Variants in CFAP36 observed in about 807,000 individuals in gnomAD.
The protein encoded by CFAP36 is cilia- and flagella-associated protein 36.
A neutral mutation model predicts 50.5 loss-of-function variants in CFAP36; 37 were observed. That is an observed-to-expected ratio of 0.73 (90% CI 0.56 to 0.96). The LOEUF (loss-of-function observed/expected upper bound fraction) is 0.96, where lower values mean the gene tolerates loss of function less well. Among genes scored for constraint, CFAP36 ranks in the 50% least tolerant of loss-of-function variants. The probability of loss-of-function intolerance (pLI) is 0.00; values close to 1 mark genes in which losing one functional copy is unlikely to be tolerated. For missense variants in CFAP36, 407 were observed against 396.2 expected, an observed-to-expected ratio of 1.03 and a Z score of -0.23; for synonymous variants, 138 against 128.2, an observed-to-expected ratio of 1.08 and a Z score of -0.52.
At position 55,537,512 on chromosome 2, in the gene CFAP36, A is replaced by G. The variant is rs751197849; in HGVS notation, c.567A>G (p.Thr189=). Residue 189 remains threonine (T), a synonymous_variant, in exon 7 of 10, where the codon ACA becomes ACG. Transcript: ENST00000349456. ...CAGAGGCTAAAACAGAAGAGCCCAC[A>G]GTGCATTCCAGTGAAGCTGCAATAA... The part of the protein sequence containing the change: ...QLSEAKTEEP[T]VHSSEAAIMN... The G allele has an allele frequency of 1.1e-5, 17 of 1,612,946 alleles. No homozygotes were observed. The highest frequency in any genetic ancestry group is 6.6e-5 in the South Asian group (6 of 90,742).
Position 55,528,655 on chromosome 2 carries a change from C to T in CFAP36, c.283-223C>T, listed in dbSNP as rs541723796. The stretch of plus-strand genomic sequence containing the variant: ...AAGTGTTCTGCCTGCCTCAGCCGCC[C>T]AAAGTATTGGGTTTACAGGTGTGAG... On this transcript the variant is annotated intron_variant, in intron 3 of 9. Transcript: ENST00000349456. Among the ~76,000 whole-genome samples, 13 of 152,238 alleles carry T rather than the reference C, an allele frequency of 8.5e-5. No homozygotes were observed. In the South Asian group the frequency reaches 2.7e-3, roughly 32 times the overall value.
chr2:55,534,239 A>AC (rs2103654386), intron 5 of CFAP36, among the ~76,000 whole-genome samples: 1 of 152,304 alleles, frequency 6.6e-6, no homozygotes, highest in African/African-American at 2.4e-5. Context: ...GTTGCAGTAG[A>AC]CCTAGCCTGA....
chr2:55,528,376 C>T (rs532529339), intron 3 of CFAP36, among the ~76,000 whole-genome samples: 1 of 151,580 alleles, frequency 6.6e-6, no homozygotes, highest in South Asian at 2.1e-4. Context: ...ATTTGCATAT[C>T]ACAATACTGA....
chr2:55,544,096 A>AGT (rs1558916662), intron 8 of CFAP36, 22 bp downstream of exon 8: 1 of 1,612,884 alleles, frequency 6.2e-7, no homozygotes, highest in Admixed American at 1.7e-5. Context: ...ACATCACTTA[A>AGT]GAACTATAAG....
chr2:55,544,285 T>G lies in CFAP36; in HGVS notation c.843T>G (p.Asp281Glu), dbSNP rs762497638. The G allele has an allele frequency of 3.1e-6, 5 of 1,613,872 alleles. No individual in the cohort carries two copies. Among genetic ancestry groups the G allele is most frequent in the Non-Finnish European group, 4.2e-6 (5 of 1,179,912 alleles). ...QREHYLKQKR[D>E]KLMSMRKDMR... ...AACACTATCTCAAGCAGAAGAGAGATAAGTTGATGTCCATGAGAAAGGATA... is the reference window on the plus strand; with the variant it reads ...AACACTATCTCAAGCAGAAGAGAGAGAAGTTGATGTCCATGAGAAAGGATA... Residue 281 changes from aspartate (D) to glutamate (E), a missense_variant, in exon 9 of 10, where the codon GAT (aspartate) becomes GAG (glutamate). Physicochemically the swap from Asp to Glu is conservative, Grantham distance 45. Coordinates refer to ENST00000349456, the MANE Select transcript of CFAP36 (RefSeq NM_080667.7).
At chr2:55,541,278 C>T (rs1279082335) in intron 7 of CFAP36, among the ~76,000 whole-genome samples, 1 of 151,970 alleles carries the variant, frequency 6.6e-6, no homozygotes, top group Non-Finnish European at 1.5e-5. Flanking sequence ...GAGCCAAGAT[C>T]GTGCCATTGC....
intron 7 of CFAP36, among the ~76,000 whole-genome samples, chr2:55,540,389 T>C (rs779009045): frequency 6.6e-6 from 1 of 152,226 alleles, no homozygotes; most frequent in Non-Finnish European, 1.5e-5. Flanking sequence ...CTTTGCTCCT[T>C]TGTCAAAGAT....
chr2:55,521,953 T>G, intron 1 of CFAP36, 149 bp from the exon 2 acceptor site: 1 of 493,224 alleles, frequency 2.0e-6, no homozygotes. Context: ...TTTAGATATA[T>G]TCATTTATAT....
intron 7 of CFAP36, among the ~76,000 whole-genome samples, chr2:55,540,825 A>G (rs981909169): frequency 2.6e-5 from 4 of 152,010 alleles, no homozygotes; most frequent in Non-Finnish European, 4.4e-5. Context: ...AGCCTGGGCA[A>G]TTTGGCGAAA....
chr2:55,544,783 T>C (rs1684728224), intron 9 of CFAP36, 124 bp from the exon 10 acceptor site: 2 of 637,622 alleles, frequency 3.1e-6, no homozygotes, highest in Admixed American at 3.1e-5. Context: ...CTAGTCTATG[T>C]CTGTCTCTCC....
chr2:55,536,064 AG>A (rs772345511), intron 6 of CFAP36: 126 of 391,242 alleles, frequency 3.2e-4, no homozygotes, highest in Non-Finnish European at 5.0e-4. Flanking sequence ...GGCAAGTTTA[AG>A]CATTTGTTTT....
intron 7 of CFAP36, chr2:55,538,795 G>T (rs1224991734): frequency 2.6e-6 from 4 of 1,544,728 alleles, no homozygotes; most frequent in Non-Finnish European, 3.5e-6. Flanking sequence ...ACTTGTCCAA[G>T]ATCACCGAAC....
chr2:55,542,508 G>C (rs768515013), intron 7 of CFAP36, among the ~76,000 whole-genome samples: 1 of 152,150 alleles, frequency 6.6e-6, no homozygotes, highest in Non-Finnish European at 1.5e-5. Flanking sequence ...GATTGATGCA[G>C]ATTTGCCAGA....
chr2:55,520,382 A>G (rs1289381527), intron 1 of CFAP36: 1 of 1,526,834 alleles, frequency 6.5e-7, no homozygotes, highest in Non-Finnish European at 8.8e-7. Flanking sequence ...GAAATGAGAA[A>G]TGATTTCACT....
chr2:55,530,880 A>T (rs1684335389), intron 4 of CFAP36: 1 of 152,184 alleles, frequency 6.6e-6, no homozygotes, highest in African/African-American at 2.4e-5. Flanking sequence ...TCTATAGTTC[A>T]GTTGTATCGT....
intron 4 of CFAP36, among the ~76,000 whole-genome samples, chr2:55,532,961 C>G (rs1436544560): frequency 6.6e-6 from 1 of 152,170 alleles, no homozygotes; most frequent in African/African-American, 2.4e-5. Flanking sequence ...GTTGCTACTT[C>G]CCTGGTTTAT....
At chr2:55,528,640 C>G (rs573158986) in intron 3 of CFAP36, among the ~76,000 whole-genome samples, 1 of 152,242 alleles carries the variant, frequency 6.6e-6, no homozygotes, top group East Asian at 1.9e-4. Context: ...AAGTGTTCTG[C>G]CTGCCTCAGC....
At chr2:55,541,397 T>G (rs1455897848) in intron 7 of CFAP36, among the ~76,000 whole-genome samples, 1 of 152,246 alleles carries the variant, frequency 6.6e-6, no homozygotes, top group Admixed American at 6.5e-5. Context: ...CATTAGAATT[T>G]TGTAGTTTTC....
At chr2:55,544,855 T>C in intron 9 of CFAP36, 52 bp from the exon 10 acceptor site, 2 of 1,228,140 alleles carry the variant, frequency 1.6e-6, no homozygotes, top group Non-Finnish European at 2.3e-6. Context: ...TTGGGAATTT[T>C]AGACAAATTA....
Sources: allele counts gnomAD v4.1 joint callset (sites outside exome capture counted in the v4.1 genomes callset), GRCh38; gene constraint gnomAD v4.1.1; transcripts MANE v1.5; gene names NCBI Gene and HGNC (gene_info 2026-07-23, HGNC 2026-07-21).